The following MSRA variants were observed in gnomAD, a reference collection of about 807,000 sequenced individuals.
The protein encoded by MSRA is methionine sulfoxide reductase A, also known as mitochondrial peptide methionine sulfoxide reductase.
In MSRA, 54 loss-of-function variants were observed where a neutral mutation model predicts 31.3. The ratio of observed to expected loss-of-function variants is 1.73; its 90% CI spans 1.39 to 2.17. MSRA has a LOEUF of 2.17. Among genes scored for constraint, MSRA ranks in the 30% most tolerant of loss-of-function variants. The probability of loss-of-function intolerance (pLI) is 0.00; values close to 1 mark genes in which losing one functional copy is unlikely to be tolerated. For synonymous variants in MSRA, 169 were observed against 116.5 expected (o/e 1.45, Z -2.90); for missense variants, 507 against 300.9 (o/e 1.69, Z -5.07).
At chr8:10,282,010 G>C (rs1799649014) in intron 3 of MSRA, among the ~76,000 whole-genome samples, 1 of 152,194 alleles carries the variant, frequency 6.6e-6, no homozygotes, top group Non-Finnish European at 1.5e-5. Context: ...TTGTGTAATA[G>C]CAGTGCTGGG....
At chr8:10,191,505 A>T (rs558768209) in intron 1 of MSRA, among the ~76,000 whole-genome samples, 1 of 152,374 alleles carries the variant, frequency 6.6e-6, no homozygotes, top group Non-Finnish European at 1.5e-5. Context: ...GCAAATGAAT[A>T]AAAATTGCCA....
chr8:10,423,802 C>T lies in MSRA; in HGVS notation c.544-4346C>T, dbSNP rs115994914. Among the ~76,000 whole-genome samples, 1,207 of 152,310 alleles carry T rather than the reference C, an allele frequency of 7.9e-3. 11 individuals are homozygous for T. Among genetic ancestry groups the T allele is most frequent in the African/African-American group, 0.028 (1,146 of 41,560 alleles). ...CCTTCTCCCTCCCACCATTCCTTCC[C>T]AGGCCCTAGAGGAGGTGCTGGGTCT... On this transcript the variant is annotated intron_variant, in intron 5 of 5. Coordinates refer to ENST00000317173, the MANE Select transcript of MSRA (RefSeq NM_012331.5).
intron 1 of MSRA, among the ~76,000 whole-genome samples, chr8:10,067,243 T>C (rs540325878): frequency 6.6e-6 from 1 of 152,242 alleles, no homozygotes; most frequent in Admixed American, 6.5e-5. Context: ...CTTTGCTTTT[T>C]CCAGAATGTC....
chr8:10,148,005 C>T (rs930650403), intron 1 of MSRA, among the ~76,000 whole-genome samples: 1 of 152,202 alleles, frequency 6.6e-6, no homozygotes, highest in Non-Finnish European at 1.5e-5. Context: ...CGTACCTGTG[C>T]ACTTGGCCAC....
At chr8:10,144,470 G>A (rs539710171) in intron 1 of MSRA, among the ~76,000 whole-genome samples, 8 of 152,268 alleles carry the variant, frequency 5.3e-5, no homozygotes, top group African/African-American at 1.4e-4. Flanking sequence ...TGACTGGCAC[G>A]CCATCAGTGT....
intron 4 of MSRA, among the ~76,000 whole-genome samples, chr8:10,305,875 A>T (rs955061816): frequency 1.3e-5 from 2 of 152,222 alleles, no homozygotes; most frequent in Admixed American, 1.3e-4. Context: ...AGGAGGAATG[A>T]CAGACATGCT....
Position 10,245,879 on chromosome 8 carries a change from A to T in MSRA, c.331+656A>T, listed in dbSNP as rs569500173. On this transcript the variant is annotated intron_variant, in intron 3 of 5. Coordinates refer to ENST00000317173, the MANE Select transcript of MSRA (RefSeq NM_012331.5). ...ATGGGATGGCTCCCCAAAGGCAAGGATATAGGAGGTATCAAGAATCGGGAC... is the reference window on the plus strand; with the variant it reads ...ATGGGATGGCTCCCCAAAGGCAAGGTTATAGGAGGTATCAAGAATCGGGAC... Among the ~76,000 whole-genome samples, 25 of 152,358 alleles carry T rather than the reference A, an allele frequency of 1.6e-4. No homozygotes were observed. In the South Asian group the frequency reaches 1.9e-3, roughly 11 times the overall value.
chr8:10,253,409 C>T (rs191638822), intron 3 of MSRA, among the ~76,000 whole-genome samples: 225 of 152,262 alleles, frequency 1.5e-3, no homozygotes, highest in African/African-American at 4.9e-3. Flanking sequence ...ACAGGTGCAG[C>T]GGTCAAAGGT....
At chr8:10,317,350 T>C (rs984489493) in intron 4 of MSRA, among the ~76,000 whole-genome samples, 1 of 152,210 alleles carries the variant, frequency 6.6e-6, no homozygotes, top group African/African-American at 2.4e-5. Flanking sequence ...TACCCAAAGA[T>C]GAGCTGAGGC....
At position 10,412,697 on chromosome 8, in the gene MSRA, G is replaced by A. The variant is rs538755912; in HGVS notation, c.544-15451G>A. 3.9e-5 allele frequency among the ~76,000 whole-genome samples: 6 copies of A among 152,308 alleles called. No homozygotes were observed. In the East Asian group the frequency reaches 1.2e-3, roughly 29 times the overall value. On this transcript the variant is annotated intron_variant, in intron 5 of 5. Transcript: ENST00000317173. ...TACAGGATGCCTTTGTATACAGAAGGCAAATAGGAACGTTAAAAGGTGCCC... is the reference window on the plus strand; with the variant it reads ...TACAGGATGCCTTTGTATACAGAAGACAAATAGGAACGTTAAAAGGTGCCC...
chr8:10,227,531 C>T (rs1229485245), intron 2 of MSRA, among the ~76,000 whole-genome samples: 1 of 152,074 alleles, frequency 6.6e-6, no homozygotes, highest in Admixed American at 6.6e-5. Flanking sequence ...GATTCTTGAC[C>T]CCTCTTGGTA....
chr8:10,302,161 C>A (rs149195535), intron 4 of MSRA, among the ~76,000 whole-genome samples: 4 of 152,154 alleles, frequency 2.6e-5, no homozygotes, highest in Admixed American at 1.3e-4. Flanking sequence ...TTCATTTGTT[C>A]TCTTTGGAAT....
intron 5 of MSRA, among the ~76,000 whole-genome samples, chr8:10,374,409 T>A (rs1322179949): frequency 2.0e-5 from 3 of 152,042 alleles, no homozygotes; most frequent in Non-Finnish European, 4.4e-5. Context: ...ACCTAGCACA[T>A]CCTGCAGGCT....
chr8:10,325,536 T>C (rs1802313145), intron 5 of MSRA, among the ~76,000 whole-genome samples: 1 of 152,226 alleles, frequency 6.6e-6, no homozygotes, highest in African/African-American at 2.4e-5. Flanking sequence ...GTTAAATGCA[T>C]TCATGTATTT....
chr8:10,269,053 A>G (rs909358504), intron 3 of MSRA, among the ~76,000 whole-genome samples: 1 of 152,244 alleles, frequency 6.6e-6, no homozygotes, highest in Non-Finnish European at 1.5e-5. Context: ...GTTTGTCTCC[A>G]GGTTTGAATG....
intron 5 of MSRA, among the ~76,000 whole-genome samples, chr8:10,322,829 C>T (rs151250322): frequency 2.6e-5 from 4 of 152,264 alleles, no homozygotes; most frequent in East Asian, 3.9e-4. Flanking sequence ...CAGTGACTCA[C>T]GCCTCTAATC....
chr8:10,094,896 T>C (rs186541349), intron 1 of MSRA, among the ~76,000 whole-genome samples: 93 of 152,360 alleles, frequency 6.1e-4, no homozygotes, highest in African/African-American at 2.2e-3. Context: ...ACCTTAGATG[T>C]TTTATTTTCC....
intron 1 of MSRA, among the ~76,000 whole-genome samples, chr8:10,174,116 G>T (rs1182348374): frequency 1.3e-5 from 2 of 152,204 alleles, no homozygotes; most frequent in Non-Finnish European, 2.9e-5. Context: ...AGTAATGGAG[G>T]GAAGGTTTCG....
At chr8:10,182,743 C>T (rs1372794993) in intron 1 of MSRA, among the ~76,000 whole-genome samples, 1 of 152,108 alleles carries the variant, frequency 6.6e-6, no homozygotes, top group Non-Finnish European at 1.5e-5. Flanking sequence ...GGAGGCCACA[C>T]CCAGTTTTTT....
Sources: gnomAD v4.1 joint callset for allele counts (sites outside exome capture counted in the v4.1 genomes callset) on GRCh38, gnomAD v4.1.1 for gene constraint, MANE v1.5 for transcripts, NCBI Gene and HGNC (gene_info 2026-07-23, HGNC 2026-07-21) for gene names.